The following GPR137C variants were observed in gnomAD, a reference collection of about 807,000 sequenced individuals.
The protein encoded by GPR137C is G protein-coupled receptor 137C.
A neutral mutation model predicts 43.4 loss-of-function variants in GPR137C; 27 were observed. That is an observed-to-expected ratio of 0.62 (90% CI 0.46 to 0.86). The LOEUF (loss-of-function observed/expected upper bound fraction) is 0.86, where lower values mean the gene tolerates loss of function less well. Ranked by LOEUF, GPR137C falls within the 40% of genes least tolerant of loss-of-function variation. The pLI, the probability that GPR137C is intolerant of heterozygous loss-of-function variation, is 0.00. For missense variants in GPR137C, 522 were observed against 534.6 expected, an observed-to-expected ratio of 0.98 and a Z score of 0.23; for synonymous variants, 285 against 226.9, an observed-to-expected ratio of 1.26 and a Z score of -2.30.
chr14:52,582,386 G>GTATTAATACTT (rs1274257755), intron 1 of GPR137C, among the ~76,000 whole-genome samples: 1 of 152,096 alleles, frequency 6.6e-6, no homozygotes, highest in Non-Finnish European at 1.5e-5. Flanking sequence ...CTCAAGTCTT[G>GTATTAATACTT]GGATACTTGT....
chr14:52,631,439 A>C (rs780278897), intron 3 of GPR137C, among the ~76,000 whole-genome samples: 6 of 152,176 alleles, frequency 3.9e-5, no homozygotes, highest in Non-Finnish European at 8.8e-5. Flanking sequence ...TTTTTAATGC[A>C]TAAAATAAAA....
intron 3 of GPR137C, among the ~76,000 whole-genome samples, chr14:52,607,932 C>T (rs2038999648): frequency 6.6e-6 from 1 of 151,912 alleles, no homozygotes; most frequent in African/African-American, 2.4e-5. Flanking sequence ...ATAGCTCTTC[C>T]TACTCCTTTT....
At chr14:52,564,290 AAAG>A (rs2038333333) in intron 1 of GPR137C, among the ~76,000 whole-genome samples, 1 of 151,174 alleles carries the variant, frequency 6.6e-6, no homozygotes, top group African/African-American at 2.4e-5. Context: ...AAAAAAAAAA[AAAG>A]CCCCACTCCT....
Position 52,553,420 on chromosome 14 carries a change from G to A in GPR137C, c.273G>A (p.Leu91=), listed in dbSNP as rs1334193045. ...GCCTCTGCCTCTTCCTCTGTCTCCT[G>A]TGGGCAGCGCTCAGGACCACCCTCT... ...YQSLCLFLCL[L]WAALRTTLFS... Residue 91 remains leucine (L), a synonymous_variant, in exon 1 of 7, where the codon CTG becomes CTA. Transcript: ENST00000321662. The A allele has an allele frequency of 3.7e-6, 6 of 1,608,824 alleles. No homozygotes were observed. Among genetic ancestry groups the A allele is most frequent in the African/African-American group, 1.3e-5 (1 of 74,938 alleles).
chr14:52,560,688 A>G (rs564353789), intron 1 of GPR137C, among the ~76,000 whole-genome samples: 1 of 152,334 alleles, frequency 6.6e-6, no homozygotes, highest in East Asian at 1.9e-4. Context: ...TAATTCCAAA[A>G]TAATTGAATA....
At chr14:52,583,622 T>G (rs1249495250) in intron 1 of GPR137C, among the ~76,000 whole-genome samples, 2 of 152,190 alleles carry the variant, frequency 1.3e-5, no homozygotes, top group Non-Finnish European at 2.9e-5. Context: ...ATGTCTTTTG[T>G]GGGAAAAATG....
At chr14:52,634,317 C>T (rs187871872) in intron 6 of GPR137C, among the ~76,000 whole-genome samples, 133 of 152,164 alleles carry the variant, frequency 8.7e-4, no homozygotes, top group Non-Finnish European at 1.7e-3. Context: ...CTAGATAAAA[C>T]TCTTGGGAAG....
intron 1 of GPR137C, among the ~76,000 whole-genome samples, chr14:52,554,372 A>G (rs1184923539): frequency 6.6e-6 from 1 of 152,186 alleles, no homozygotes; most frequent in African/African-American, 2.4e-5. Context: ...TAACTTGCTT[A>G]ATATCTGGAA....
At chr14:52,584,386 G>A (rs950452769) in intron 1 of GPR137C, among the ~76,000 whole-genome samples, 16 of 152,224 alleles carry the variant, frequency 1.1e-4, no homozygotes, top group South Asian at 2.1e-4. Flanking sequence ...GTTACCCCTC[G>A]TCACAAGGAT....
intron 3 of GPR137C, among the ~76,000 whole-genome samples, chr14:52,619,744 G>A (rs1327519298): frequency 6.6e-6 from 1 of 152,064 alleles, no homozygotes; most frequent in East Asian, 1.9e-4. Flanking sequence ...TAATGTCAGG[G>A]TCATAGGAGC....
rs1273069883 is a variant in GPR137C, at chr14:52,636,630, C to G, written c.*1515C>G. 1 of 152,116 alleles carries G rather than the reference C, an allele frequency of 6.6e-6. No homozygotes were observed. The highest frequency in any genetic ancestry group is 2.4e-5 in the African/African-American group (1 of 41,452). The allele number at this position is 152,116 out of a possible 1,614,324, so 9.4% of individuals were successfully genotyped here. On this transcript the variant is annotated 3_prime_UTR_variant, in exon 7 of 7. Coordinates refer to ENST00000321662, the MANE Select transcript of GPR137C (RefSeq NM_001099652.2). The stretch of plus-strand genomic sequence containing the variant: ...ACAATAACTTCATAAAAGTATAACA[C>G]TAGGTTGAAACCTTAAGGAAAAATT...
chr14:52,569,902 C>T (rs2038438158), intron 1 of GPR137C, among the ~76,000 whole-genome samples: 1 of 151,892 alleles, frequency 6.6e-6, no homozygotes, highest in South Asian at 2.1e-4. Flanking sequence ...AGGATATTAT[C>T]CTGAAGTGGG....
intron 3 of GPR137C, among the ~76,000 whole-genome samples, chr14:52,615,920 TG>T (rs2139559535): frequency 6.6e-6 from 1 of 152,374 alleles, no homozygotes; most frequent in Admixed American, 6.5e-5. Context: ...TACTAGTTAT[TG>T]TAAATTTGAA....
intron 3 of GPR137C, among the ~76,000 whole-genome samples, chr14:52,619,077 C>A (rs1474609894): frequency 6.6e-6 from 1 of 152,172 alleles, no homozygotes; most frequent in Non-Finnish European, 1.5e-5. Context: ...ATAAACCTTT[C>A]TGTTCTGTGT....
chr14:52,619,035 C>T (rs945158353), intron 3 of GPR137C, among the ~76,000 whole-genome samples: 3 of 152,118 alleles, frequency 2.0e-5, no homozygotes, highest in Non-Finnish European at 4.4e-5. Context: ...TTTCTCACTC[C>T]CTCCTGTATT....
intron 1 of GPR137C, among the ~76,000 whole-genome samples, chr14:52,554,327 A>G (rs190596367): frequency 9.8e-5 from 15 of 152,292 alleles, no homozygotes; most frequent in African/African-American, 3.1e-4. Context: ...ACCTGTGCCT[A>G]TTGCAGAAAC....
intron 3 of GPR137C, among the ~76,000 whole-genome samples, chr14:52,626,764 A>G (rs1390896627): frequency 1.3e-5 from 2 of 152,208 alleles, no homozygotes; most frequent in Non-Finnish European, 2.9e-5. Context: ...TGACTTTAGC[A>G]AGTTCTCAGA....
chr14:52,601,819 A>G (rs1467240599), intron 3 of GPR137C, among the ~76,000 whole-genome samples: 1 of 151,842 alleles, frequency 6.6e-6, no homozygotes, highest in East Asian at 1.9e-4. Flanking sequence ...CTAGATACCT[A>G]GTGTATTTCT....
chr14:52,579,180 G>T (rs1185209572), intron 1 of GPR137C, among the ~76,000 whole-genome samples: 2 of 152,170 alleles, frequency 1.3e-5, no homozygotes, highest in African/African-American at 2.4e-5. Flanking sequence ...GAGGGTTGGG[G>T]TGGGGGAGAA....
Sources: gnomAD v4.1 joint callset for allele counts (sites outside exome capture counted in the v4.1 genomes callset) on GRCh38, gnomAD v4.1.1 for gene constraint, MANE v1.5 for transcripts, NCBI Gene and HGNC (gene_info 2026-07-23, HGNC 2026-07-21) for gene names.